The following COL25A1 variants were observed in gnomAD, a reference collection of about 807,000 sequenced individuals.
The protein encoded by COL25A1 is collagen type XXV alpha 1 chain, also known as collagen alpha-1(XXV) chain.
Under a neutral mutation model 128.4 loss-of-function variants are expected in COL25A1, and 103 were observed. The observed-to-expected ratio is 0.80, with a 90% CI of 0.68 to 0.94. The LOEUF (loss-of-function observed/expected upper bound fraction) is 0.94. Ranked by LOEUF, COL25A1 falls within the 40% of genes least tolerant of loss-of-function variation. COL25A1 has a pLI of 0.00. For synonymous variants in COL25A1, 279 were observed against 277.2 expected, an observed-to-expected ratio of 1.01 and a Z score of -0.06; for missense variants, 745 against 840.0, an observed-to-expected ratio of 0.89 and a Z score of 1.40.
In COL25A1 at chr4:108,844,528, AGGTGGGCCATGGGGACCTGGTGGGCCT is replaced by A. The variant is rs765029079; in HGVS notation, c.1593_1619del (p.Pro534_Pro542del). The stretch of plus-strand genomic sequence containing the variant: ...AAGAAGGGAAACTTACCATGGGGCC[AGGTGGGCCATGGGGACCTGGTGGGCCT>A]GGTGGGCCTATGATCTGTATGTCCA... On this transcript the variant is annotated inframe_deletion, in exon 30 of 38. Transcript: ENST00000399132. 6.2e-6 allele frequency: 10 copies of A among 1,614,054 alleles called. No individual in the cohort carries two copies. The South Asian group carries it at 8.8e-5, about 14-fold the overall frequency.
chr4:109,022,263 A>T, intron 5 of COL25A1: 1 of 431,206 alleles, frequency 2.3e-6, no homozygotes, highest in African/African-American at 2.0e-5. Context: ...CACTTAGGGA[A>T]AATAGAAAGA....
chr4:109,042,105 A>T (rs1021607398), intron 5 of COL25A1, among the ~76,000 whole-genome samples: 1 of 152,058 alleles, frequency 6.6e-6, no homozygotes, highest in East Asian at 1.9e-4. Flanking sequence ...TTTAAGCTCA[A>T]TTTGCAGCTC....
intron 3 of COL25A1, among the ~76,000 whole-genome samples, chr4:109,105,051 T>TG (rs979616686): frequency 4.6e-5 from 7 of 152,212 alleles, no homozygotes; most frequent in African/African-American, 1.7e-4. Context: ...AAGATAATCC[T>TG]GGTGGTAGGG....
chr4:108,846,363 T>A (rs963644930), intron 27 of COL25A1, 144 bp from the exon 28 acceptor site: 1 of 632,862 alleles, frequency 1.6e-6, no homozygotes, highest in Admixed American at 2.7e-5. Context: ...TAGGTAGAGT[T>A]ATTTCTTACA....
intron 3 of COL25A1, among the ~76,000 whole-genome samples, chr4:109,052,596 C>T (rs935751542): frequency 7.9e-5 from 12 of 152,048 alleles, no homozygotes; most frequent in Non-Finnish European, 1.5e-4. Flanking sequence ...TTATACTGAC[C>T]TTGCTGAACT....
intron 3 of COL25A1, among the ~76,000 whole-genome samples, chr4:109,140,748 G>T (rs868646932): frequency 6.6e-6 from 1 of 152,128 alleles, no homozygotes; most frequent in Non-Finnish European, 1.5e-5. Flanking sequence ...TATTATTGGT[G>T]TATAGGAATG....
At chr4:109,001,870 T>C (rs1755447101) in intron 6 of COL25A1, among the ~76,000 whole-genome samples, 1 of 116,544 alleles carries the variant, frequency 8.6e-6, no homozygotes. Context: ...CTTTATAGAC[T>C]ATTATTGATA....
chr4:109,071,413 A>C lies in COL25A1; in HGVS notation c.368-21234T>G, dbSNP rs564037043. ...CAAGGACTTCATGTCTAAAACACCAAAAGCAATGGCAACAAAAGCCAAAAT... is the reference window on the plus strand; with the variant it reads ...CAAGGACTTCATGTCTAAAACACCACAAGCAATGGCAACAAAAGCCAAAAT... On this transcript the variant is annotated intron_variant, in intron 3 of 37. Transcript: ENST00000399132. Among the ~76,000 whole-genome samples, 137 of 152,284 alleles carry C rather than the reference A, an allele frequency of 9.0e-4. 1 individual carries two copies. The highest frequency in any genetic ancestry group is 3.3e-3 in the African/African-American group (136 of 41,586).
chr4:109,213,555 G>A (rs1777753672), intron 3 of COL25A1, among the ~76,000 whole-genome samples: 1 of 152,122 alleles, frequency 6.6e-6, no homozygotes, highest in Admixed American at 6.6e-5. Context: ...GAGAAGCCTG[G>A]TCAACAGCCC....
At chr4:109,121,824 A>G (rs1397147044) in intron 3 of COL25A1, among the ~76,000 whole-genome samples, 1 of 152,132 alleles carries the variant, frequency 6.6e-6, no homozygotes, top group Admixed American at 6.6e-5. Flanking sequence ...TCTTCACTCA[A>G]ATGTTTAAAA....
At chr4:108,847,442 A>C (rs1735247250) in intron 27 of COL25A1, among the ~76,000 whole-genome samples, 1 of 152,118 alleles carries the variant, frequency 6.6e-6, no homozygotes, top group Admixed American at 6.6e-5. Flanking sequence ...TAGCATTCAG[A>C]ATTACCCAAT....
At chr4:108,870,205 G>A (rs1578607008) in intron 19 of COL25A1, among the ~76,000 whole-genome samples, 2 of 152,076 alleles carry the variant, frequency 1.3e-5, no homozygotes, top group African/African-American at 2.4e-5. Flanking sequence ...GCAGTGAGCC[G>A]TGATGGCGCC....
intron 5 of COL25A1, among the ~76,000 whole-genome samples, chr4:109,023,438 T>G (rs1757947477): frequency 6.6e-6 from 1 of 152,206 alleles, no homozygotes; most frequent in Non-Finnish European, 1.5e-5. Flanking sequence ...ATTCTGCTGT[T>G]GATTAAATAG....
chr4:109,098,478 T>A (rs1211482884), intron 3 of COL25A1, among the ~76,000 whole-genome samples: 1 of 152,350 alleles, frequency 6.6e-6, no homozygotes, highest in East Asian at 1.9e-4. Flanking sequence ...AGTGCTCATA[T>A]GAGAGTAAAT....
chr4:109,203,446 C>T (rs1370437099), intron 3 of COL25A1, among the ~76,000 whole-genome samples: 4 of 151,926 alleles, frequency 2.6e-5, no homozygotes, highest in Non-Finnish European at 4.4e-5. Context: ...AATCCAGAGC[C>T]TCCCCCAAAG....
At chr4:108,960,638 C>T (rs1325538492) in intron 8 of COL25A1, among the ~76,000 whole-genome samples, 1 of 152,076 alleles carries the variant, frequency 6.6e-6, no homozygotes, top group African/African-American at 2.4e-5. Context: ...GTTTACATTC[C>T]TAAAAGGAAG....
chr4:109,153,318 T>C (rs947946009), intron 3 of COL25A1, among the ~76,000 whole-genome samples: 3 of 149,532 alleles, frequency 2.0e-5, no homozygotes, highest in African/African-American at 7.4e-5. Flanking sequence ...GAGGCAGAGG[T>C]TGTGGTGAGC....
intron 3 of COL25A1, among the ~76,000 whole-genome samples, chr4:109,269,771 G>A (rs192742777): frequency 6.6e-6 from 1 of 152,042 alleles, no homozygotes; most frequent in East Asian, 1.9e-4. Flanking sequence ...AACCAAAAAA[G>A]AGAATTTTAG....
At chr4:108,943,253 T>G (rs1560906610) in intron 8 of COL25A1, among the ~76,000 whole-genome samples, 1 of 152,204 alleles carries the variant, frequency 6.6e-6, no homozygotes, top group Non-Finnish European at 1.5e-5. Flanking sequence ...ATAGACACTG[T>G]TACGAAAACC....
Sources: gnomAD v4.1 joint callset for allele counts (sites outside exome capture counted in the v4.1 genomes callset) on GRCh38, gnomAD v4.1.1 for gene constraint, MANE v1.5 for transcripts, NCBI Gene and HGNC (gene_info 2026-07-23, HGNC 2026-07-21) for gene names.